The following FUT9 variants were observed in gnomAD, a reference collection of about 807,000 sequenced individuals.
FUT9 encodes fucosyltransferase 9.
FUT9 carries 15 observed loss-of-function variants against 29.7 expected under a neutral mutation model. The observed-to-expected ratio is 0.51, with a 90% CI of 0.34 to 0.78. FUT9 has a LOEUF of 0.78. Among genes scored for constraint, FUT9 ranks in the 30% least tolerant of loss-of-function variants. The pLI, the probability that FUT9 is intolerant of heterozygous loss-of-function variation, is 0.01. For missense variants in FUT9, 319 were observed against 425.4 expected, an observed-to-expected ratio of 0.75 and a Z score of 2.20; for synonymous variants, 169 against 153.7, an observed-to-expected ratio of 1.10 and a Z score of -0.74.
At position 96,190,298 on chromosome 6, in the gene FUT9, T is replaced by C. The variant is rs565344436; in HGVS notation, c.-8-12850T>C. On this transcript the variant is annotated intron_variant, in intron 2 of 2. Transcript: ENST00000302103. ...TCAGCTGTTAGTCAGATCGGCTTCC[T>C]TTTGTGGGTAACCCGACCTTTCTCT... Among the ~76,000 whole-genome samples, 3 of 152,172 alleles carry C rather than the reference T, an allele frequency of 2.0e-5. No individual in the cohort carries two copies. In the East Asian group the frequency reaches 5.8e-4, roughly 29 times the overall value.
chr6:96,078,506 C>T (rs1384738210), intron 1 of FUT9, among the ~76,000 whole-genome samples: 1 of 142,012 alleles, frequency 7.0e-6, no homozygotes, highest in African/African-American at 2.6e-5. Context: ...CTGCAAGCTC[C>T]GCCTCCTGGA....
chr6:96,059,022 C>T (rs1449509562), intron 1 of FUT9, among the ~76,000 whole-genome samples: 2 of 152,076 alleles, frequency 1.3e-5, no homozygotes, highest in African/African-American at 4.8e-5. Context: ...TTTTAGCTCT[C>T]TTAATAGAAC....
intron 1 of FUT9, among the ~76,000 whole-genome samples, chr6:96,076,720 G>A (rs568358477): frequency 2.0e-5 from 3 of 152,142 alleles, no homozygotes; most frequent in African/African-American, 7.2e-5. Context: ...ACATAGGCAT[G>A]TTGTAACACT....
At chr6:96,035,193 G>A (rs953346400) in intron 1 of FUT9, among the ~76,000 whole-genome samples, 1 of 151,572 alleles carries the variant, frequency 6.6e-6, no homozygotes, top group Non-Finnish European at 1.5e-5. Context: ...TGAGGAGAGG[G>A]AGGGAGGGAA....
intron 2 of FUT9, among the ~76,000 whole-genome samples, chr6:96,154,829 T>C (rs1029472835): frequency 6.6e-6 from 1 of 152,230 alleles, no homozygotes; most frequent in African/African-American, 2.4e-5. Flanking sequence ...ATGTGAACAC[T>C]TCTGAACCAA....
intron 1 of FUT9, among the ~76,000 whole-genome samples, chr6:96,076,495 C>A (rs1771144135): frequency 6.6e-6 from 1 of 151,988 alleles, no homozygotes; most frequent in Non-Finnish European, 1.5e-5. Flanking sequence ...ATATTTAGGC[C>A]CATTAAAATA....
chr6:96,141,007 A>G (rs769910579), intron 2 of FUT9, among the ~76,000 whole-genome samples: 15 of 152,212 alleles, frequency 9.9e-5, no homozygotes, highest in Non-Finnish European at 1.8e-4. Context: ...TCTGGGTTGT[A>G]AAGAGGAGTT....
chr6:96,055,933 G>T (rs1015766152), intron 1 of FUT9, among the ~76,000 whole-genome samples: 1 of 151,912 alleles, frequency 6.6e-6, no homozygotes, highest in Non-Finnish European at 1.5e-5. Context: ...TTTATTATTT[G>T]TCTTCTATGT....
chr6:96,107,982 C>T (rs1398993554), intron 1 of FUT9, among the ~76,000 whole-genome samples: 3 of 143,396 alleles, frequency 2.1e-5, no homozygotes, highest in Non-Finnish European at 4.6e-5. Context: ...CTCTCATGGC[C>T]ACTTTTTTTT....
At chr6:96,016,773 A>C (rs1317442364) in intron 1 of FUT9, among the ~76,000 whole-genome samples, 1 of 152,108 alleles carries the variant, frequency 6.6e-6, no homozygotes, top group African/African-American at 2.4e-5. Flanking sequence ...AGATTTTCTG[A>C]CAGTCACCTC....
chr6:96,056,998 T>C (rs1178768914), intron 1 of FUT9, among the ~76,000 whole-genome samples: 1 of 152,192 alleles, frequency 6.6e-6, no homozygotes, highest in Non-Finnish European at 1.5e-5. Context: ...CAATACTTTA[T>C]TATAAAATAG....
chr6:96,130,516 G>C (rs1365339295), intron 2 of FUT9, among the ~76,000 whole-genome samples: 3 of 152,104 alleles, frequency 2.0e-5, no homozygotes, highest in Admixed American at 2.0e-4. Flanking sequence ...AAAAAGCAGA[G>C]ACATTGTTCT....
At chr6:96,118,543 A>G (rs9386319) in intron 2 of FUT9, among the ~76,000 whole-genome samples, 63,664 of 152,134 alleles carry the variant, frequency 0.42, 13,730 homozygotes, top group East Asian at 0.61. Context: ...AGTGTAGTAC[A>G]TACTGTACAA....
At chr6:96,180,213 T>G (rs1183681372) in intron 2 of FUT9, among the ~76,000 whole-genome samples, 1 of 152,160 alleles carries the variant, frequency 6.6e-6, no homozygotes, top group African/African-American at 2.4e-5. Flanking sequence ...GTTTGCTATG[T>G]CCAGGGACTA....
At position 96,071,681 on chromosome 6, in the gene FUT9, A is replaced by T. The variant is rs1049091680; in HGVS notation, c.-97-42358A>T. On this transcript the variant is annotated intron_variant, in intron 1 of 2. Transcript: ENST00000302103. ...TCAACAAAGGAGCAAGACTCACGGC[A>T]TTTTTAAAAATTGTCACTAAGATCT... Among the ~76,000 whole-genome samples, 11 of 152,352 alleles carry T rather than the reference A, an allele frequency of 7.2e-5. 1 individual carries two copies. In the East Asian group the frequency reaches 2.1e-3, roughly 29 times the overall value.
At chr6:96,094,298 C>T (rs1004288778) in intron 1 of FUT9, among the ~76,000 whole-genome samples, 2 of 152,104 alleles carry the variant, frequency 1.3e-5, no homozygotes, top group South Asian at 4.1e-4. Context: ...AGCTAGCTGG[C>T]TTGGTTATCA....
chr6:96,100,102 A>C (rs549434831), intron 1 of FUT9, among the ~76,000 whole-genome samples: 1 of 152,266 alleles, frequency 6.6e-6, no homozygotes, highest in Admixed American at 6.5e-5. Flanking sequence ...GGAAATCAGA[A>C]GGAACATTTG....
Position 96,096,684 on chromosome 6 carries a change from A to ATGTGTGTGTGTGTGTGTGTGTG in FUT9, c.-97-17353_-97-17332dup, listed in dbSNP as rs1243489757. 8.0e-3 allele frequency among the ~76,000 whole-genome samples: 1,131 copies of ATGTGTGTGTGTGTGTGTGTGTG among 140,826 alleles called. 14 individuals carry two copies. The highest frequency in any genetic ancestry group is 0.042 in the East Asian group (194 of 4,628). 92.4% of individuals were successfully genotyped at this position (140,826 alleles called of 152,430 possible). On this transcript the variant is annotated intron_variant, in intron 1 of 2. Coordinates refer to ENST00000302103, the MANE Select transcript of FUT9 (RefSeq NM_006581.4). ...TGTCTAGTGTGTTAGTGTCTAAGGCATGTGTGTGTGTGTGTGTGTGTGTCT... is the reference window on the plus strand; with the variant it reads ...TGTCTAGTGTGTTAGTGTCTAAGGCATGTGTGTGTGTGTGTGTGTGTGTGTGTGTGTGTGTGTGTGTGTGTCT...
chr6:96,130,733 CAT>C (rs1405229063), intron 2 of FUT9, among the ~76,000 whole-genome samples: 1 of 152,144 alleles, frequency 6.6e-6, no homozygotes. Flanking sequence ...ACTACATACA[CAT>C]GTTTTCCAAC....
Sources: gnomAD v4.1 joint callset for allele counts (sites outside exome capture counted in the v4.1 genomes callset) on GRCh38, gnomAD v4.1.1 for gene constraint, MANE v1.5 for transcripts, NCBI Gene and HGNC (gene_info 2026-07-23, HGNC 2026-07-21) for gene names.